MUC4: variants seen among roughly 807,000 people sequenced by gnomAD.
The protein encoded by MUC4 is mucin 4, cell surface associated.
In MUC4, 202 loss-of-function variants were observed where a neutral mutation model predicts 257.9. The ratio of observed to expected loss-of-function variants is 0.78; its 90% CI spans 0.70 to 0.88. The LOEUF (loss-of-function observed/expected upper bound fraction) is 0.88. Ranked by LOEUF, MUC4 falls within the 40% of genes least tolerant of loss-of-function variation. MUC4 has a pLI of 0.00. For synonymous variants in MUC4, 2,351 were observed against 2,757.1 expected, an observed-to-expected ratio of 0.85 and a Z score of 4.62; for missense variants, 5,976 against 6,513.7, an observed-to-expected ratio of 0.92 and a Z score of 2.84.
At chr3:195,794,754 T>C (rs563311705) in intron 1 of MUC4, among the ~76,000 whole-genome samples, 1 of 152,336 alleles carries the variant, frequency 6.6e-6, no homozygotes, top group East Asian at 1.9e-4. Flanking sequence ...GTCCACTTTC[T>C]GGAATTGACT....
chr3:195,788,126 G>T lies in MUC4; in HGVS notation c.3454C>A (p.Pro1152Thr). 1 of 1,496,052 alleles carries T rather than the reference G, an allele frequency of 6.7e-7. No homozygotes were observed. Among genetic ancestry groups the T allele is most frequent in the Non-Finnish European group, 8.9e-7 (1 of 1,117,572 alleles). The allele number at this position is 1,496,052 out of a possible 1,614,324, so 92.7% of individuals were successfully genotyped here. A position where few individuals can be genotyped will look rare whatever the true frequency, so the allele number is the denominator to read the frequency against. ...TSSVSTGHTTPLHVTDASSAS... is the reference protein window; with the variant it reads ...TSSVSTGHTTTLHVTDASSAS... ...GAGGAAGCATCAGTGACATGAAGAG[G>T]GGTGGTGTGACCTGTGGATACTGAG... Residue 1152 changes from proline to threonine, a missense_variant, in exon 2 of 25, where the codon CCT (proline) becomes ACT (threonine). Physicochemically the swap from Pro to Thr is conservative, Grantham distance 38. Transcript: ENST00000463781.
intron 1 of MUC4, among the ~76,000 whole-genome samples, chr3:195,801,817 C>A (rs11929296): frequency 4.6e-5 from 7 of 152,252 alleles, no homozygotes; most frequent in South Asian, 2.1e-4. Context: ...TGCGCCCCCC[C>A]CTCCACGTGC....
intron 6 of MUC4, chr3:195,769,561 G>A: frequency 5.2e-6 from 1 of 190,992 alleles, no homozygotes; most frequent in Non-Finnish European, 1.1e-5. Context: ...CATCTAAACA[G>A]CATGGATGAC....
chr3:195,771,241 T>C (rs1464294167), intron 5 of MUC4, among the ~76,000 whole-genome samples: 29 of 26,754 alleles, frequency 1.1e-3, no homozygotes, highest in African/African-American at 3.8e-3. Flanking sequence ...AGTCTCGTGG[T>C]TGGGTTGGGG....
In MUC4 at chr3:195,786,913, G is replaced by A. The variant is rs1392523465; in HGVS notation, c.4667C>T (p.Thr1556Ile). 1.3e-6 allele frequency: 2 copies of A among 1,503,294 alleles called. No individual in the cohort carries two copies. The highest frequency in any genetic ancestry group is 1.8e-6 in the Non-Finnish European group (2 of 1,116,356). The allele number at this position is 1,503,294 out of a possible 1,614,324, so 93.1% of individuals were successfully genotyped here. A position where few individuals can be genotyped will look rare whatever the true frequency, so the allele number is the denominator to read the frequency against. The change falls in exon 2 of 25, where the codon ACC becomes ATC. Residue 1556 changes from threonine (T) to isoleucine (I), a missense_variant. By Grantham distance (89) the Thr-to-Ile change is moderately conservative (BLOSUM62 -1). Transcript: ENST00000463781. ...STGDTTPLPV[T>I]DASSVSTGHT... is the part of the protein sequence containing the mutation. ...ACCTGTGGATACTGAGGAAGCGTCG[G>A]TGACAGGAAGAGGGGTGGTGTCACC...
At chr3:195,764,221 C>T (rs893658461) in intron 10 of MUC4, 57 bp from the exon 11 acceptor site, 9 of 1,542,332 alleles carry the variant, frequency 5.8e-6, no homozygotes, top group Middle Eastern at 1.9e-4. Context: ...CTTGGCAGGG[C>T]AGGGTGGTGT....
In MUC4 at chr3:195,788,351, T is replaced by C. The variant is rs773326766; in HGVS notation, c.3229A>G (p.Ser1077Gly). The change falls in exon 2 of 25, where the codon AGC becomes GGC. Residue 1077 changes from serine to glycine, a missense_variant. Physicochemically the swap from Ser to Gly is moderately conservative, Grantham distance 56 (BLOSUM62 0). Coordinates refer to ENST00000463781, the MANE Select transcript of MUC4 (RefSeq NM_018406.7). ...TGHVTPLPVT[S>G]LSSASTGDTT... The stretch of plus-strand genomic sequence containing the variant: ...TCACCTGTGGATGCTGAGGAAAGGC[T>C]GGTGACAGGAAGAGGGGTGACGTGA... The C allele has an allele frequency of 9.1e-5, 137 of 1,510,698 alleles. 4 individuals carry two copies. In the African/African-American group the frequency reaches 2.5e-3, roughly 28 times the overall value. The allele number at this position is 1,510,698 out of a possible 1,614,324, so 93.6% of individuals were successfully genotyped here. A position where few individuals can be genotyped will look rare whatever the true frequency, so the allele number is the denominator to read the frequency against.
intron 10 of MUC4, 95 bp downstream of exon 10, chr3:195,764,902 G>C (rs1414315243): frequency 1.3e-6 from 2 of 1,513,686 alleles, no homozygotes; most frequent in Non-Finnish European, 1.8e-6. Flanking sequence ...GCCCAGAGAG[G>C]GGAAGGGTCT....
rs201633113 is a variant in MUC4 at position 195,779,707 on chromosome 3, G to A, written c.11873C>T (p.Thr3958Ile). 1.5e-6 allele frequency: 2 copies of A among 1,362,084 alleles called. No homozygotes were observed. The highest frequency in any genetic ancestry group is 2.4e-5 in the Admixed American group (1 of 40,828). 84.4% of individuals were successfully genotyped at this position (1,362,084 alleles called of 1,614,324 possible). A position where few individuals can be genotyped will look rare whatever the true frequency, so the allele number is the denominator to read the frequency against. ...GDTTPLPVTD[T>I]SSVSTGHATS... ...GGCGTGACCTGTGGATACTGAGGAA[G>A]TGTCGGTGACAGGAAGAGGGGTGGT... The change falls in exon 2 of 25, where the codon ACT becomes ATT. Residue 3958 changes from threonine to isoleucine, a missense_variant. Thr to Ile is a moderately conservative substitution (Grantham distance 89). Coordinates refer to ENST00000463781, the MANE Select transcript of MUC4 (RefSeq NM_018406.7).
intron 12 of MUC4, 104 bp from the exon 13 acceptor site, chr3:195,763,049 G>T: frequency 2.0e-6 from 2 of 1,000,424 alleles, no homozygotes; most frequent in Non-Finnish European, 3.0e-6. Flanking sequence ...GCCCTGGGCC[G>T]GGAGGAAGGC....
chr3:195,775,065 G>C (rs1384956443), intron 3 of MUC4, among the ~76,000 whole-genome samples: 3 of 152,026 alleles, frequency 2.0e-5, no homozygotes, highest in Non-Finnish European at 2.9e-5. Flanking sequence ...TCGGGCTCCA[G>C]TTTGAGAAAC....
Position 195,783,865 on chromosome 3 carries a change from CCT to C in MUC4, c.7713_7714del (p.Gly2572SerfsTer17). ...GGTGACAGGAAGAGGGGTGGCGTGA[CCT>C]GTGGATGCTGCGGAAGTGTCGGTGA... On this transcript the variant is annotated frameshift_variant, in exon 2 of 25. Transcript: ENST00000463781. LOFTEE classifies it high-confidence loss of function. 1 of 1,507,648 alleles carries C rather than the reference CCT, an allele frequency of 6.6e-7. No homozygotes were observed. The highest frequency in any genetic ancestry group is 8.9e-7 in the Non-Finnish European group (1 of 1,121,716). The allele number at this position is 1,507,648 out of a possible 1,614,324, so 93.4% of individuals were successfully genotyped here. A position where few individuals can be genotyped will look rare whatever the true frequency, so the allele number is the denominator to read the frequency against.
intron 20 of MUC4, 122 bp from the exon 21 acceptor site, chr3:195,752,568 CGGG>C (rs1716667222): frequency 3.8e-6 from 3 of 799,600 alleles, no homozygotes; most frequent in Non-Finnish European, 6.4e-6. Flanking sequence ...CTGAAGAAAC[CGGG>C]AGAAGTGGCC....
intron 14 of MUC4, 137 bp downstream of exon 14, chr3:195,761,950 C>G (rs946955741): frequency 1.6e-5 from 17 of 1,091,776 alleles, no homozygotes; most frequent in Non-Finnish European, 2.2e-5. Context: ...GCTCCCGGCC[C>G]GCTCTGTGCC....
chr3:195,788,785 A>C lies in MUC4; in HGVS notation c.2795T>G (p.Phe932Cys). The C allele has an allele frequency of 6.2e-7, 1 of 1,613,706 alleles. No homozygotes were observed. Among genetic ancestry groups the C allele is most frequent in the South Asian group, 1.1e-5 (1 of 91,066 alleles). The stretch of plus-strand genomic sequence containing the variant: ...TGGAGGTGTGGGTGGGACTGTTGAG[A>C]AGGTGTCGGTTGCCTGGGACGCCAG... ...ISLASQATDTFSTVPPTPPSI... is the reference protein window; with the variant it reads ...ISLASQATDTCSTVPPTPPSI... Residue 932 changes from phenylalanine to cysteine, a missense_variant, in exon 2 of 25, where the codon TTC becomes TGC. This residue lies in a region of MUC4 where 1,583 missense variants were observed against 1,257.4 expected (regional missense o/e 1.26). Transcript: ENST00000463781.
intron 7 of MUC4, among the ~76,000 whole-genome samples, chr3:195,767,654 C>T (rs1423265472): frequency 1.1e-3 from 93 of 88,140 alleles, no homozygotes; most frequent in Non-Finnish European, 1.1e-3. Flanking sequence ...GCCACCACCA[C>T]CACCACCACC....
chr3:195,786,398 G>A lies in MUC4; in HGVS notation c.5182C>T (p.Pro1728Ser), dbSNP rs76047032. 6.5e-7 allele frequency: 1 copy of A among 1,532,808 alleles called. No homozygotes were observed. Among genetic ancestry groups the A allele is most frequent in the African/African-American group, 1.4e-5 (1 of 70,970 alleles). The allele number at this position is 1,532,808 out of a possible 1,614,324, so 95.0% of individuals were successfully genotyped here. Reference sequence around the variant, plus strand: ...GAGGAAGGGCTAGTGACAGGAAGAGGCGTGGTGTCACCTGTGGATACTGAG... The same window carrying A: ...GAGGAAGGGCTAGTGACAGGAAGAGACGTGGTGTCACCTGTGGATACTGAG... ...LSSVSTGDTTPLPVTSPSSAS... is the reference protein window; with the variant it reads ...LSSVSTGDTTSLPVTSPSSAS... Residue 1728 changes from proline (P) to serine (S), a missense_variant, in exon 2 of 25, where the codon CCT (proline) becomes TCT (serine). This residue lies in a region of MUC4 where 138 missense variants were observed against 107.8 expected (regional missense o/e 1.28). Coordinates refer to ENST00000463781, the MANE Select transcript of MUC4 (RefSeq NM_018406.7).
At chr3:195,793,307 G>A (rs1028500622) in intron 1 of MUC4, among the ~76,000 whole-genome samples, 4 of 151,880 alleles carry the variant, frequency 2.6e-5, no homozygotes, top group African/African-American at 9.7e-5. Flanking sequence ...GACCAGCCTG[G>A]GCAATATGGC....
At position 195,783,294 on chromosome 3, in the gene MUC4, G is replaced by T; in HGVS notation, c.8286C>A (p.Ser2762=). The T allele has an allele frequency of 6.6e-7, 1 of 1,509,576 alleles. No homozygotes were observed. The highest frequency in any genetic ancestry group is 8.9e-7 in the Non-Finnish European group (1 of 1,118,626). 93.5% of individuals were successfully genotyped at this position (1,509,576 alleles called of 1,614,324 possible). A position where few individuals can be genotyped will look rare whatever the true frequency, so the allele number is the denominator to read the frequency against. The change falls in exon 2 of 25, where the codon TCC becomes TCA. Residue 2762 remains serine (S), a synonymous_variant. Coordinates refer to ENST00000463781, the MANE Select transcript of MUC4 (RefSeq NM_018406.7). ...CAGGAAGAGGGGTGGCGTGACCTGTGGATGCTGAGGAAGTGTCGGTGACAG... is the reference window on the plus strand; with the variant it reads ...CAGGAAGAGGGGTGGCGTGACCTGTTGATGCTGAGGAAGTGTCGGTGACAG... The part of the protein sequence containing the change: ...PLPVTDTSSA[S]TGHATPLPVT...
Sources: gnomAD v4.1 joint callset for allele counts (sites outside exome capture counted in the v4.1 genomes callset) on GRCh38, gnomAD v4.1.1 for gene constraint, gnomAD v4.1.1 regional missense constraint, MANE v1.5 for transcripts, NCBI Gene and HGNC (gene_info 2026-07-23, HGNC 2026-07-21) for gene names.